Variants in SCFD2 observed in about 807,000 individuals in gnomAD.
SCFD2 encodes the protein sec1 family domain-containing protein 2.
SCFD2 carries 54 observed loss-of-function variants against 58.9 expected under a neutral mutation model. That is an observed-to-expected ratio of 0.92 (90% CI 0.74 to 1.15). The LOEUF (loss-of-function observed/expected upper bound fraction) is 1.15, where lower values mean the gene tolerates loss of function less well. Among genes scored for constraint, SCFD2 ranks in the 50% most tolerant of loss-of-function variants. SCFD2 has a pLI of 0.00. For missense variants in SCFD2, 805 were observed against 836.6 expected (o/e 0.96, Z 0.47); for synonymous variants, 321 against 335.9 (o/e 0.96, Z 0.49).
At chr4:53,079,494 T>C (rs573095227) in intron 5 of SCFD2, among the ~76,000 whole-genome samples, 2 of 152,334 alleles carry the variant, frequency 1.3e-5, no homozygotes, top group African/African-American at 4.8e-5. Context: ...GAATGAGGTG[T>C]AAATCAACGA....
intron 3 of SCFD2, among the ~76,000 whole-genome samples, chr4:53,303,252 C>G (rs186416023): frequency 3.3e-5 from 5 of 152,132 alleles, no homozygotes; most frequent in Admixed American, 3.3e-4. Flanking sequence ...AATACATTTA[C>G]AAGAAAAAAA....
At chr4:52,966,345 T>C (rs1720962423) in intron 5 of SCFD2, among the ~76,000 whole-genome samples, 1 of 152,246 alleles carries the variant, frequency 6.6e-6, no homozygotes, top group Non-Finnish European at 1.5e-5. Context: ...CACAGGTCAC[T>C]TGATGACCTG....
intron 3 of SCFD2, among the ~76,000 whole-genome samples, chr4:53,293,810 C>A (rs1731926819): frequency 6.6e-6 from 1 of 152,008 alleles, no homozygotes; most frequent in Non-Finnish European, 1.5e-5. Flanking sequence ...TATACACGTG[C>A]CATGGTGGTT....
intron 5 of SCFD2, among the ~76,000 whole-genome samples, chr4:52,963,363 T>A (rs368427516): frequency 3.0e-4 from 46 of 152,364 alleles, no homozygotes; most frequent in African/African-American, 1.1e-3. Context: ...CCTACTGCTT[T>A]AAAAATGTTC....
At chr4:52,960,017 A>G (rs1421952289) in intron 5 of SCFD2, among the ~76,000 whole-genome samples, 1 of 152,114 alleles carries the variant, frequency 6.6e-6, no homozygotes, top group African/African-American at 2.4e-5. Flanking sequence ...GAGAATAAGT[A>G]AGTTTTGTCA....
intron 5 of SCFD2, among the ~76,000 whole-genome samples, chr4:53,021,500 T>G (rs1722348841): frequency 6.6e-6 from 1 of 152,164 alleles, no homozygotes; most frequent in Non-Finnish European, 1.5e-5. Context: ...TTATGAACTT[T>G]AAAAGATACA....
At chr4:53,342,156 G>C (rs2149148229) in intron 2 of SCFD2, among the ~76,000 whole-genome samples, 1 of 152,268 alleles carries the variant, frequency 6.6e-6, no homozygotes, top group Admixed American at 6.5e-5. Context: ...AAAAGACATA[G>C]ACTGGCAAAT....
chr4:53,114,531 A>C (rs1725265910), intron 5 of SCFD2, among the ~76,000 whole-genome samples: 1 of 152,154 alleles, frequency 6.6e-6, no homozygotes, highest in Non-Finnish European at 1.5e-5. Context: ...ATTTGATTTG[A>C]ATAATTGTGG....
chr4:53,253,141 C>T (rs975038386), intron 4 of SCFD2, among the ~76,000 whole-genome samples: 6 of 152,154 alleles, frequency 3.9e-5, no homozygotes, highest in South Asian at 4.1e-4. Flanking sequence ...TGAAAAAATG[C>T]TCATCATCAC....
At chr4:52,926,852 T>A (rs1719875813) in intron 5 of SCFD2, among the ~76,000 whole-genome samples, 1 of 152,206 alleles carries the variant, frequency 6.6e-6, no homozygotes, top group African/African-American at 2.4e-5. Context: ...ACCTCCCCCA[T>A]CCATCCAGCA....
At chr4:53,016,111 A>G (rs1213485724) in intron 5 of SCFD2, among the ~76,000 whole-genome samples, 1 of 152,250 alleles carries the variant, frequency 6.6e-6, no homozygotes, top group African/African-American at 2.4e-5. Context: ...AAAACAAACA[A>G]GCACATAAAA....
At chr4:53,275,217 A>G (rs1216189175) in intron 3 of SCFD2, among the ~76,000 whole-genome samples, 1 of 152,236 alleles carries the variant, frequency 6.6e-6, no homozygotes, top group Non-Finnish European at 1.5e-5. Flanking sequence ...GGTTTTTGCT[A>G]AAAGTAAAGA....
At chr4:53,115,371 T>A (rs749705717) in intron 5 of SCFD2, among the ~76,000 whole-genome samples, 14 of 152,100 alleles carry the variant, frequency 9.2e-5, no homozygotes, top group African/African-American at 3.4e-4. Flanking sequence ...TTTAAAAATA[T>A]ACAGTGAGAA....
intron 3 of SCFD2, among the ~76,000 whole-genome samples, chr4:53,308,468 C>CA (rs1732583433): frequency 6.6e-6 from 1 of 152,120 alleles, no homozygotes; most frequent in Non-Finnish European, 1.5e-5. Flanking sequence ...ATCCATTTCT[C>CA]ACTCTTTCTC....
chr4:53,018,770 C>T (rs1204068784), intron 5 of SCFD2, among the ~76,000 whole-genome samples: 1 of 152,130 alleles, frequency 6.6e-6, no homozygotes, highest in East Asian at 1.9e-4. Flanking sequence ...TGACCTTGCT[C>T]ATTAAGAACA....
chr4:53,117,007 C>T (rs1409562617), intron 5 of SCFD2, among the ~76,000 whole-genome samples: 1 of 152,136 alleles, frequency 6.6e-6, no homozygotes, highest in Non-Finnish European at 1.5e-5. Context: ...CTAACTAGAC[C>T]TAGACAAAAC....
At chr4:53,066,673 A>G (rs1723671614) in intron 5 of SCFD2, among the ~76,000 whole-genome samples, 1 of 152,024 alleles carries the variant, frequency 6.6e-6, no homozygotes, top group South Asian at 2.1e-4. Context: ...GAGTTTTAGC[A>G]CATTCTGTTC....
At chr4:53,046,927 C>T (rs908265496) in intron 5 of SCFD2, among the ~76,000 whole-genome samples, 3 of 152,178 alleles carry the variant, frequency 2.0e-5, no homozygotes, top group African/African-American at 7.2e-5. Flanking sequence ...CTGCATTGGT[C>T]TCCCAAAGTG....
chr4:53,016,902 T>C (rs899346272), intron 5 of SCFD2, among the ~76,000 whole-genome samples: 2 of 151,970 alleles, frequency 1.3e-5, no homozygotes, highest in Admixed American at 6.6e-5. Flanking sequence ...AGGTCAGGAG[T>C]TCGAGACCAT....
Sources: gnomAD v4.1 joint callset for allele counts (sites outside exome capture counted in the v4.1 genomes callset) on GRCh38, gnomAD v4.1.1 for gene constraint, MANE v1.5 for transcripts, NCBI Gene and HGNC (gene_info 2026-07-23, HGNC 2026-07-21) for gene names.